Variants in TBL1X observed in about 807,000 individuals in gnomAD.
The protein encoded by TBL1X is F-box-like/WD repeat-containing protein TBL1X.
In TBL1X, 10 loss-of-function variants were observed where a neutral mutation model predicts 50.7. That is an observed-to-expected ratio of 0.20 (90% CI 0.12 to 0.33). The LOEUF is 0.33. Ranked by LOEUF, TBL1X falls within the 10% of genes least tolerant of loss-of-function variation. The probability of loss-of-function intolerance (pLI) is 1.00; values close to 1 mark genes in which losing one functional copy is unlikely to be tolerated. For synonymous variants in TBL1X, 190 were observed against 214.7 expected (o/e 0.88, Z 1.01); for missense variants, 340 against 504.4 (o/e 0.67, Z 3.12).
intron 2 of TBL1X, among the ~76,000 whole-genome samples, chrX:9,551,794 A>G (rs2146991455): frequency 8.9e-6 from 1 of 111,818 alleles, no homozygotes; most frequent in South Asian, 3.8e-4. Context: ...TCTCATAAGC[A>G]CACGCACGCT....
rs1308129318 is a variant in TBL1X at position 9,714,922 on chromosome X, C to T, written c.1626C>T (p.Ser542=). 6 of 1,211,867 alleles carry T rather than the reference C, an allele frequency of 5.0e-6. No homozygotes were observed. The highest frequency in any genetic ancestry group is 6.7e-6 in the Non-Finnish European group (6 of 895,393). The change falls in exon 17 of 18, where the codon AGC becomes AGT. Residue 542 remains serine (S), a synonymous_variant. Coordinates refer to ENST00000645353, the MANE Select transcript of TBL1X (RefSeq NM_005647.4). ...WNTQSGNLVH[S]YRGTGGIFEV... ...TGCAGAGTGGAAATCTTGTCCACAG[C>T]TACCGAGGCACTGGCGGCATCTTCG...
At chrX:9,685,196 C>A (rs947689234) in intron 6 of TBL1X, among the ~76,000 whole-genome samples, 9 of 112,121 alleles carry the variant, frequency 8.0e-5, no homozygotes, top group African/African-American at 2.9e-4. Context: ...CCTCTCTTGT[C>A]CCCTCCTATT....
chrX:9,619,909 C>A (rs765239602), intron 2 of TBL1X, among the ~76,000 whole-genome samples: 2 of 112,396 alleles, frequency 1.8e-5, no homozygotes, highest in Admixed American at 1.9e-4. Flanking sequence ...CAGTGTCTGG[C>A]GGGAAACAGG....
Position 9,665,540 on chromosome X carries a change from A to ATAT in TBL1X, c.211+11218_211+11219insTAT, listed in dbSNP as rs1569091686. Among the ~76,000 whole-genome samples the ATAT allele has an allele frequency of 6.4e-4, 21 of 32,949 alleles. 2 individuals are homozygous for ATAT. The highest frequency in any genetic ancestry group is 2.1e-3 in the African/African-American group (19 of 8,881). The allele number at this position is 32,949 out of a possible 115,157, so 28.6% of individuals were successfully genotyped here. On this transcript the variant is annotated intron_variant, in intron 5 of 17. Transcript: ENST00000645353. ...ATATATATATATATATATATATATA[A>ATAT]AAGGCCTTGGTGCTTTTTCGCTTCT...
intron 2 of TBL1X, among the ~76,000 whole-genome samples, chrX:9,603,956 G>T (rs1305207689): frequency 9.0e-6 from 1 of 111,645 alleles, no homozygotes; most frequent in Non-Finnish European, 1.9e-5. Context: ...AGTCATGTTA[G>T]ATTATGGCTC....
chrX:9,652,875 G>GAA (rs1055683332), intron 3 of TBL1X, among the ~76,000 whole-genome samples: 5 of 108,543 alleles, frequency 4.6e-5, no homozygotes, highest in Admixed American at 9.7e-5. Context: ...AAGAAAGAAA[G>GAA]AAAAAAAGAG....
At position 9,535,900 on chromosome X, in the gene TBL1X, A is replaced by T. The variant is rs190420462; in HGVS notation, c.-131+34051A>T. ...AGGATTGGTGAAACTAGAGGTAGGGAATGAGCATTTTTGGTTCTGTATCAT... is the reference window on the plus strand; with the variant it reads ...AGGATTGGTGAAACTAGAGGTAGGGTATGAGCATTTTTGGTTCTGTATCAT... On this transcript the variant is annotated intron_variant, in intron 2 of 17. Transcript: ENST00000645353. 4.5e-5 allele frequency among the ~76,000 whole-genome samples: 5 copies of T among 112,171 alleles called. 1 individual carries two copies. Among genetic ancestry groups the T allele is most frequent in the African/African-American group, 1.6e-4 (5 of 30,902 alleles).
chrX:9,677,501 T>C lies in TBL1X; in HGVS notation c.212-6542T>C, dbSNP rs758986201. Among the ~76,000 whole-genome samples, 8 of 110,451 alleles carry C rather than the reference T, an allele frequency of 7.2e-5. No homozygotes were observed. In the South Asian group the frequency reaches 3.2e-3, roughly 44 times the overall value. ...CTTTTGCAGGCGTGCCAAAATCATATTATGAAACTCCCAGCCACAAATTCT... is the reference window on the plus strand; with the variant it reads ...CTTTTGCAGGCGTGCCAAAATCATACTATGAAACTCCCAGCCACAAATTCT... On this transcript the variant is annotated intron_variant, in intron 5 of 17. Coordinates refer to ENST00000645353, the MANE Select transcript of TBL1X (RefSeq NM_005647.4).
At chrX:9,545,898 C>T (rs1441535576) in intron 2 of TBL1X, among the ~76,000 whole-genome samples, 1 of 111,881 alleles carries the variant, frequency 8.9e-6, no homozygotes, top group Non-Finnish European at 1.9e-5. Flanking sequence ...AGTCCCCCAA[C>T]CTTCTTCTAT....
chrX:9,614,163 C>T (rs774806904), intron 2 of TBL1X, among the ~76,000 whole-genome samples: 1 of 111,307 alleles, frequency 9.0e-6, no homozygotes, highest in Non-Finnish European at 1.9e-5. Context: ...AAACCCAAGA[C>T]CAGACATTCC....
chrX:9,566,424 A>G (rs2082351786), intron 2 of TBL1X, among the ~76,000 whole-genome samples: 1 of 112,069 alleles, frequency 8.9e-6, no homozygotes, highest in Non-Finnish European at 1.9e-5. Context: ...CAGCTTCCTT[A>G]CACAGACCTT....
chrX:9,467,181 G>T (rs1601696546), intron 1 of TBL1X, among the ~76,000 whole-genome samples: 2 of 112,498 alleles, frequency 1.8e-5, no homozygotes, highest in African/African-American at 6.5e-5. Context: ...TTAGTTAGAA[G>T]ATTTTTTTTC....
Position 9,715,956 on chromosome X carries a change from G to A in TBL1X, c.1708-264G>A, listed in dbSNP as rs922070989. Among the ~76,000 whole-genome samples the A allele has an allele frequency of 4.5e-5, 5 of 112,169 alleles. No individual in the cohort carries two copies. In the Admixed American group the frequency reaches 4.7e-4, roughly 11 times the overall value. ...TGCAGGTGTCCCTTCTGGGACCTCTGCCACTCTGTTAATTCCTATCATTAC... is the reference window on the plus strand; with the variant it reads ...TGCAGGTGTCCCTTCTGGGACCTCTACCACTCTGTTAATTCCTATCATTAC... On this transcript the variant is annotated intron_variant, in intron 17 of 17. Transcript: ENST00000645353.
intron 2 of TBL1X, among the ~76,000 whole-genome samples, chrX:9,534,119 C>T (rs73631492): frequency 0.069 from 7,705 of 111,474 alleles, 234 homozygotes; most frequent in South Asian, 0.1. Flanking sequence ...GCTTTGCTGT[C>T]TGATCCCACT....
intron 2 of TBL1X, among the ~76,000 whole-genome samples, chrX:9,506,713 T>C (rs1382801390): frequency 2.7e-5 from 3 of 111,897 alleles, no homozygotes; most frequent in Non-Finnish European, 5.6e-5. Flanking sequence ...CCTGCACGCA[T>C]ACACCCTACC....
At chrX:9,614,298 T>C (rs2082629123) in intron 2 of TBL1X, among the ~76,000 whole-genome samples, 1 of 111,700 alleles carries the variant, frequency 9.0e-6, no homozygotes, top group Non-Finnish European at 1.9e-5. Context: ...CTGAATGTGG[T>C]GGCTCACATC....
At chrX:9,526,179 GAGA>G (rs2082131852) in intron 2 of TBL1X, among the ~76,000 whole-genome samples, 1 of 108,415 alleles carries the variant, frequency 9.2e-6, no homozygotes, top group Admixed American at 9.9e-5. Flanking sequence ...AAGAGAGAGA[GAGA>G]AAAAAAAACA....
chrX:9,600,077 G>T (rs1013356304), intron 2 of TBL1X, among the ~76,000 whole-genome samples: 1 of 111,733 alleles, frequency 8.9e-6, no homozygotes, highest in African/African-American at 3.3e-5. Flanking sequence ...AGTAACACTC[G>T]CTCACTCACT....
At chrX:9,681,981 G>A (rs1269590697) in intron 5 of TBL1X, among the ~76,000 whole-genome samples, 1 of 112,719 alleles carries the variant, frequency 8.9e-6, no homozygotes, top group Admixed American at 9.3e-5. Flanking sequence ...TATGAGAGAG[G>A]AATCACTGTG....
Sources: allele counts gnomAD v4.1 joint callset (sites outside exome capture counted in the v4.1 genomes callset), GRCh38; gene constraint gnomAD v4.1.1; transcripts MANE v1.5; gene names NCBI Gene and HGNC (gene_info 2026-07-23, HGNC 2026-07-21).